Variants in PCDHGA4 observed in about 807,000 individuals in gnomAD.
The protein encoded by PCDHGA4 is protocadherin gamma subfamily A, 4, also known as protocadherin gamma-A4.
PCDHGA4 carries 38 observed loss-of-function variants against 54.6 expected under a neutral mutation model. The observed-to-expected ratio is 0.70, with a 90% CI of 0.54 to 0.91. The LOEUF is 0.91. Among genes scored for constraint, PCDHGA4 ranks in the 40% least tolerant of loss-of-function variants. The probability of loss-of-function intolerance (pLI) is 0.00; values close to 1 mark genes in which losing one functional copy is unlikely to be tolerated. For synonymous variants in PCDHGA4, 511 were observed against 512.9 expected (o/e 1.00, Z 0.05); for missense variants, 1,298 against 1,220.9 (o/e 1.06, Z -0.94).
At position 141,374,373 on chromosome 5, in the gene PCDHGA4, C is replaced by A. The variant is rs370590731; in HGVS notation, c.2514+16752C>A. 7.4e-6 allele frequency: 12 copies of A among 1,613,934 alleles called. No homozygotes were observed. Among genetic ancestry groups the A allele is most frequent in the Non-Finnish European group, 8.5e-7 (1 of 1,179,910 alleles). On this transcript the variant is annotated intron_variant, in intron 1 of 3. Transcript: ENST00000571252. ...AGGATAGACCGCGAGGAGCTCTGTGCTCAGAGCCCGCGGTGTCTGGTGAGT... is the reference window on the plus strand; with the variant it reads ...AGGATAGACCGCGAGGAGCTCTGTGATCAGAGCCCGCGGTGTCTGGTGAGT...
At chr5:141,376,728 G>A (rs1773296004) in intron 1 of PCDHGA4, 1 of 538,000 alleles carries the variant, frequency 1.9e-6, no homozygotes, top group Non-Finnish European at 3.1e-6. Context: ...CGCCCAGGCC[G>A]GACTGCGGAC....
intron 1 of PCDHGA4, chr5:141,399,850 C>G (rs768366007): frequency 1.2e-6 from 2 of 1,612,828 alleles, no homozygotes; most frequent in Non-Finnish European, 1.7e-6. Context: ...CGATATGGTG[C>G]CGCGCGCTGC....
chr5:141,489,359 AG>A lies in PCDHGA4; in HGVS notation c.2515-5447del. On this transcript the variant is annotated intron_variant, in intron 1 of 3. Coordinates refer to ENST00000571252, the MANE Select transcript of PCDHGA4 (RefSeq NM_018917.4). The surrounding 1 kb of genome is among the most constrained non-coding windows in gnomAD (Gnocchi z 4.5). ...CGTTACTCAGTGGTGGAGGAGTCTG[AG>A]CCGGGGACGCTGGTGGGGAATGTTG... 1 of 1,613,110 alleles carries A rather than the reference AG, an allele frequency of 6.2e-7. No homozygotes were observed. The highest frequency in any genetic ancestry group is 1.1e-5 in the South Asian group (1 of 90,984).
intron 1 of PCDHGA4, chr5:141,370,410 G>T (rs1294033268): frequency 6.4e-7 from 1 of 1,565,276 alleles, no homozygotes; most frequent in Non-Finnish European, 8.6e-7. Context: ...AAATAGCTCC[G>T]GATGGAGGGG....
At chr5:141,363,976 A>G (rs1416527088) in intron 1 of PCDHGA4, among the ~76,000 whole-genome samples, 1 of 152,278 alleles carries the variant, frequency 6.6e-6, no homozygotes, top group Non-Finnish European at 1.5e-5. Context: ...CTTGCTATTC[A>G]GAATTAAAGC....
At position 141,445,006 on chromosome 5, in the gene PCDHGA4, G is replaced by A. The variant is rs550056654; in HGVS notation, c.2515-49801G>A. Among the ~76,000 whole-genome samples, 51 of 152,044 alleles carry A rather than the reference G, an allele frequency of 3.4e-4. 2 individuals are homozygous for A. The South Asian group carries it at 9.6e-3, about 28-fold the overall frequency. ...CATGGTATATATTTCCATTTAATTA[G>A]GTCTTTAATTTCTCTCAGCTATGTT... On this transcript the variant is annotated intron_variant, in intron 1 of 3. Transcript: ENST00000571252.
chr5:141,399,018 T>C lies in PCDHGA4; in HGVS notation c.2514+41397T>C. 5 of 1,613,892 alleles carry C rather than the reference T, an allele frequency of 3.1e-6. No individual in the cohort carries two copies. The South Asian group carries it at 3.3e-5, about 11-fold the overall frequency. On this transcript the variant is annotated intron_variant, in intron 1 of 3. Coordinates refer to ENST00000571252, the MANE Select transcript of PCDHGA4 (RefSeq NM_018917.4). ...GTCTGAATTCAAAGAGCGGAGAAATTACCACTCAAAAGAAACTGGATTTTG... is the reference window on the plus strand; with the variant it reads ...GTCTGAATTCAAAGAGCGGAGAAATCACCACTCAAAAGAAACTGGATTTTG...
chr5:141,421,574 A>C, intron 1 of PCDHGA4: 1 of 1,613,924 alleles, frequency 6.2e-7, no homozygotes. Flanking sequence ...GACACCTTGA[A>C]GATTTACGGA....
At chr5:141,361,795 G>A (rs750920407) in intron 1 of PCDHGA4, 2 of 1,613,220 alleles carry the variant, frequency 1.2e-6, no homozygotes, top group East Asian at 2.2e-5. Context: ...GTTAGTGGGC[G>A]ACCTCAATGA....
At chr5:141,383,101 T>G (rs1561594429) in intron 1 of PCDHGA4, 2 of 1,613,954 alleles carry the variant, frequency 1.2e-6, no homozygotes, top group Non-Finnish European at 1.7e-6. Flanking sequence ...CCGCATCATC[T>G]CCAGAGGTAG....
At chr5:141,424,628 A>C (rs962512805) in intron 1 of PCDHGA4, 3 of 152,348 alleles carry the variant, frequency 2.0e-5, no homozygotes, top group African/African-American at 7.2e-5. Flanking sequence ...GTTTGTGAAT[A>C]TATAAATAGA....
At chr5:141,381,370 G>A (rs562934988) in intron 1 of PCDHGA4, among the ~76,000 whole-genome samples, 1 of 152,320 alleles carries the variant, frequency 6.6e-6, no homozygotes, top group East Asian at 1.9e-4. Context: ...GGTAGCCTCG[G>A]ATCCATCAAT....
rs1304361659 is a variant in PCDHGA4 at position 141,494,859 on chromosome 5, C to T, written c.2567C>T (p.Thr856Ile). 2 of 1,614,134 alleles carry T rather than the reference C, an allele frequency of 1.2e-6. No individual in the cohort carries two copies. The highest frequency in any genetic ancestry group is 8.5e-7 in the Non-Finnish European group (1 of 1,180,012). Reference protein sequence around the residue: ...WRFSQAQRPGTSGSQNGDDTG... With the variant: ...WRFSQAQRPGISGSQNGDDTG... Reference sequence around the variant, plus strand: ...TTCTCTCAGGCCCAGAGACCCGGCACCAGCGGGTAGGTGACTGATTCTCCA... The same window carrying T: ...TTCTCTCAGGCCCAGAGACCCGGCATCAGCGGGTAGGTGACTGATTCTCCA... Residue 856 changes from threonine to isoleucine, a missense_variant, in exon 2 of 4, where the codon ACC becomes ATC. By Grantham distance (89) the Thr-to-Ile change is moderately conservative. Coordinates refer to ENST00000571252, the MANE Select transcript of PCDHGA4 (RefSeq NM_018917.4).
chr5:141,404,965 C>A, intron 1 of PCDHGA4: 1 of 1,614,030 alleles, frequency 6.2e-7, no homozygotes, highest in Non-Finnish European at 8.5e-7. Context: ...TCCCAGACAT[C>A]CTGGCTGACC....
intron 1 of PCDHGA4, chr5:141,376,383 A>G: frequency 5.0e-6 from 8 of 1,614,228 alleles, no homozygotes; most frequent in Non-Finnish European, 6.8e-6. Flanking sequence ...CGTAAGAGTC[A>G]TCTGATTTTC....
rs142995927 is a variant in PCDHGA4, at chr5:141,489,933, C to T, written c.2515-4874C>T. 38 of 1,614,064 alleles carry T rather than the reference C, an allele frequency of 2.4e-5. No homozygotes were observed. The highest frequency in any genetic ancestry group is 1.8e-4 in the South Asian group (16 of 91,084). On this transcript the variant is annotated intron_variant, in intron 1 of 3. Transcript: ENST00000571252. This position sits in a 1 kb window ranked among gnomAD's most constrained non-coding sequence, Gnocchi z 4.5. ...CAGGGACCACCCTTATCTCTGTCAT[C>T]GTGCTGGACATCAATGATAATGCTC...
intron 2 of PCDHGA4, 54 bp downstream of exon 2, chr5:141,494,919 T>A: frequency 6.2e-7 from 1 of 1,613,926 alleles, no homozygotes; most frequent in South Asian, 1.1e-5. Flanking sequence ...TTCTCAGGGA[T>A]GACGTGGGAG....
rs978480877 is a variant in PCDHGA4, at chr5:141,417,841, G to A, written c.2514+60220G>A. ...CTCCAACTGGAAAAGCGGGGACCCAGCGAGAACCCGAGCGAACGATGGGAG... is the reference window on the plus strand; with the variant it reads ...CTCCAACTGGAAAAGCGGGGACCCAACGAGAACCCGAGCGAACGATGGGAG... On this transcript the variant is annotated intron_variant, in intron 1 of 3. Coordinates refer to ENST00000571252, the MANE Select transcript of PCDHGA4 (RefSeq NM_018917.4). 1.4e-5 allele frequency: 21 copies of A among 1,537,848 alleles called. No homozygotes were observed. In the African/African-American group the frequency reaches 2.6e-4, roughly 19 times the overall value.
intron 1 of PCDHGA4, among the ~76,000 whole-genome samples, chr5:141,445,948 G>A (rs538607380): frequency 6.6e-6 from 1 of 152,236 alleles, no homozygotes; most frequent in South Asian, 2.1e-4. Flanking sequence ...GCTTACTCTG[G>A]CTGCTATATG....
Sources: allele counts gnomAD v4.1 joint callset (sites outside exome capture counted in the v4.1 genomes callset), GRCh38; gene constraint gnomAD v4.1.1; non-coding constraint Gnocchi (gnomAD v3.1); transcripts MANE v1.5; gene names NCBI Gene and HGNC (gene_info 2026-07-23, HGNC 2026-07-21).